Variants in HMGB1 observed in about 807,000 individuals in gnomAD.
HMGB1 encodes high mobility group protein B1.
For missense variants in HMGB1, 79 were observed against 253.5 expected, an observed-to-expected ratio of 0.31 and a Z score of 4.67; for synonymous variants, 81 against 84.0, an observed-to-expected ratio of 0.96 and a Z score of 0.19.
In HMGB1 at chr13:30,538,568, T is replaced by TTTTC. The variant is rs138089091; in HGVS notation, c.-14-74878_-14-74875dup. ...TTCTTTCTTTCTTTTTCTTTCTTCT[T>TTTTC]TTTCTTTCTTTCTTTCTTTTTCTTT... On this transcript the variant is annotated intron_variant, in intron 1 of 4. Coordinates refer to the HMGB1 transcript ENST00000405805. Among the ~76,000 whole-genome samples the TTTTC allele has an allele frequency of 1.2e-4, 10 of 86,054 alleles. 1 individual carries two copies. Among genetic ancestry groups the TTTTC allele is most frequent in the Admixed American group, 3.1e-4 (3 of 9,802 alleles). The allele number at this position is 86,054 out of a possible 152,430, so 56.5% of individuals were successfully genotyped here. A position where few individuals can be genotyped will look rare whatever the true frequency, so the allele number is the denominator to read the frequency against.
At position 30,462,737 on chromosome 13, in the gene HMGB1, T is replaced by A. The variant is rs369858592; in HGVS notation, c.297-25A>T. 1.0e-5 allele frequency: 16 copies of A among 1,593,378 alleles called. No homozygotes were observed. The African/African-American group carries it at 2.2e-4, about 22-fold the overall frequency. The stretch of plus-strand genomic sequence containing the variant: ...ACTAAAAAAAAAATTAATTTTAGGA[T>A]TTTAAGTTAACAGATCACAAAAACA... On this transcript the variant is annotated intron_variant, in intron 3 of 4. Coordinates refer to ENST00000341423, the MANE Select transcript of HMGB1 (RefSeq NM_002128.7).
chr13:30,608,503 C>A (rs535164076), intron 1 of HMGB1, among the ~76,000 whole-genome samples: 10 of 152,148 alleles, frequency 6.6e-5, no homozygotes, highest in Non-Finnish European at 1.3e-4. Context: ...ATATTCATGG[C>A]TGACCTCTAC....
At chr13:30,506,005 G>T (rs1887858102) in intron 1 of HMGB1, among the ~76,000 whole-genome samples, 1 of 152,140 alleles carries the variant, frequency 6.6e-6, no homozygotes, top group Non-Finnish European at 1.5e-5. Flanking sequence ...GAGATTACAG[G>T]TGTGAGCCAC....
upstream of HMGB1, among the ~76,000 whole-genome samples, chr13:30,470,671 C>T (rs12874091): frequency 0.49 from 74,678 of 151,798 alleles, 18,643 homozygotes; most frequent in East Asian, 0.73. Context: ...TTTTTTGAGA[C>T]GGAGTCTCAC....
chr13:30,471,131 A>C (rs1169493643), intron 1 of HMGB1, among the ~76,000 whole-genome samples: 1 of 151,572 alleles, frequency 6.6e-6, no homozygotes, highest in Non-Finnish European at 1.5e-5. Flanking sequence ...GGCACGCGCC[A>C]TGGCTAATTT....
chr13:30,588,402 G>C (rs1018691532), intron 1 of HMGB1, among the ~76,000 whole-genome samples: 1 of 152,152 alleles, frequency 6.6e-6, no homozygotes, highest in Non-Finnish European at 1.5e-5. Context: ...ACAGGGGAAA[G>C]GAGTTCCTGA....
chr13:30,505,661 A>C (rs959231867), intron 1 of HMGB1, among the ~76,000 whole-genome samples: 1 of 151,624 alleles, frequency 6.6e-6, no homozygotes, highest in East Asian at 1.9e-4. Context: ...GTATAACGAA[A>C]CCCCCTGTAC....
chr13:30,526,411 T>C (rs1015065348), intron 1 of HMGB1, among the ~76,000 whole-genome samples: 1 of 152,220 alleles, frequency 6.6e-6, no homozygotes, highest in Non-Finnish European at 1.5e-5. Context: ...TCTCTAACTC[T>C]ATGAGATTGT....
intron 1 of HMGB1, among the ~76,000 whole-genome samples, chr13:30,513,073 G>C (rs1888027760): frequency 1.3e-5 from 2 of 152,174 alleles, no homozygotes; most frequent in Non-Finnish European, 2.9e-5. Flanking sequence ...TGAGGCAGGA[G>C]AATTGCTTGA....
chr13:30,581,543 T>C (rs1359506087), intron 1 of HMGB1, among the ~76,000 whole-genome samples: 2 of 152,240 alleles, frequency 1.3e-5, no homozygotes, highest in African/African-American at 4.8e-5. Flanking sequence ...AAAATACTTA[T>C]CATCTGACCT....
In HMGB1 at chr13:30,536,235, T is replaced by C. The variant is rs752229298; in HGVS notation, c.-14-72541A>G. 7.9e-5 allele frequency among the ~76,000 whole-genome samples: 12 copies of C among 152,356 alleles called. No individual in the cohort carries two copies. The South Asian group carries it at 1.0e-3, about 13-fold the overall frequency. The stretch of plus-strand genomic sequence containing the variant: ...TGTTTTTAAAATTATCAAAACAACA[T>C]ATATGCATAGTATATAAAACATAAT... On this transcript the variant is annotated intron_variant, in intron 1 of 4. Transcript: ENST00000405805.
intron 1 of HMGB1, 57 bp from the exon 2 acceptor site, chr13:30,463,751 T>G (rs939741511): frequency 8.8e-7 from 1 of 1,141,022 alleles, no homozygotes; most frequent in African/African-American, 1.6e-5. Context: ...TATAAGACCT[T>G]AAAGTACTTA....
intron 1 of HMGB1, among the ~76,000 whole-genome samples, chr13:30,580,538 T>C (rs1870853929): frequency 6.6e-6 from 1 of 152,192 alleles, no homozygotes; most frequent in Non-Finnish European, 1.5e-5. Flanking sequence ...AAAAGAAATT[T>C]ATTGATTTAT....
intron 1 of HMGB1, among the ~76,000 whole-genome samples, chr13:30,473,316 T>C (rs1886992637): frequency 6.6e-6 from 1 of 152,210 alleles, no homozygotes; most frequent in African/African-American, 2.4e-5. Context: ...TCTCTAGAAT[T>C]GGATGATTTT....
In HMGB1 at chr13:30,465,853, G is replaced by C; in HGVS notation, c.-72C>G. ...TCCGGCTCTCACTTGCCCCGGTGCT[G>C]TCTCTATGGAGCTCAATGTACTGCA... On this transcript the variant is annotated 5_prime_UTR_variant, in exon 1 of 5. Transcript: ENST00000341423. The C allele has an allele frequency of 2.0e-6, 2 of 985,696 alleles. No individual in the cohort carries two copies. Among genetic ancestry groups the C allele is most frequent in the African/African-American group, 1.7e-5 (1 of 57,368 alleles). 61.1% of individuals were successfully genotyped at this position (985,696 alleles called of 1,614,324 possible).
intron 1 of HMGB1, among the ~76,000 whole-genome samples, chr13:30,504,548 G>A (rs1887808048): frequency 2.6e-5 from 4 of 152,092 alleles, no homozygotes; most frequent in South Asian, 2.1e-4. Context: ...TATCCAAGAG[G>A]GGTAATTTGA....
chr13:30,559,613 A>G lies in HMGB1; in HGVS notation c.-15+57058T>C, dbSNP rs1566025167. On this transcript the variant is annotated intron_variant, in intron 1 of 4. Coordinates refer to the HMGB1 transcript ENST00000405805. This position sits in a 1 kb window ranked among gnomAD's most constrained non-coding sequence, Gnocchi z 6.6. The stretch of plus-strand genomic sequence containing the variant: ...AGCCACATAGGGAAATCAGTTTTTA[A>G]GAAAGCGGATGGAATTCAGCTGCAA... Among the ~76,000 whole-genome samples, 1 of 152,202 alleles carries G rather than the reference A, an allele frequency of 6.6e-6. No individual in the cohort carries two copies. The highest frequency in any genetic ancestry group is 1.5e-5 in the Non-Finnish European group (1 of 68,044).
chr13:30,529,914 T>C (rs1888456993), intron 1 of HMGB1, among the ~76,000 whole-genome samples: 1 of 152,206 alleles, frequency 6.6e-6, no homozygotes, highest in Non-Finnish European at 1.5e-5. Context: ...AACCAAACTC[T>C]AGGCCAGACT....
At chr13:30,479,207 C>T (rs1404496863) in intron 1 of HMGB1, among the ~76,000 whole-genome samples, 1 of 152,166 alleles carries the variant, frequency 6.6e-6, no homozygotes, top group African/African-American at 2.4e-5. Context: ...TTCATTCTTT[C>T]CCTGTAATTT....
Sources: allele counts gnomAD v4.1 joint callset (sites outside exome capture counted in the v4.1 genomes callset), GRCh38; gene constraint gnomAD v4.1.1; non-coding constraint Gnocchi (gnomAD v3.1); transcripts MANE v1.5; gene names NCBI Gene and HGNC (gene_info 2026-07-23, HGNC 2026-07-21).